CNTNAP5: variants seen among roughly 807,000 people sequenced by gnomAD.
CNTNAP5 encodes contactin-associated protein-like 5.
CNTNAP5 carries 72 observed loss-of-function variants against 150.2 expected under a neutral mutation model. The ratio of observed to expected loss-of-function variants is 0.48; its 90% CI spans 0.40 to 0.58. CNTNAP5 has a LOEUF of 0.58. Ranked by LOEUF, CNTNAP5 falls within the 20% of genes least tolerant of loss-of-function variation. CNTNAP5 has a pLI of 0.00. For missense variants in CNTNAP5, 1,636 were observed against 1,626.2 expected (o/e 1.01, Z -0.10); for synonymous variants, 672 against 619.8 (o/e 1.08, Z -1.25).
intron 5 of CNTNAP5, among the ~76,000 whole-genome samples, chr2:124,443,927 C>G (rs1213873605): frequency 6.6e-6 from 1 of 151,376 alleles, no homozygotes; most frequent in East Asian, 1.9e-4. Flanking sequence ...CAATGCCTTT[C>G]TTATTTTAAG....
chr2:124,770,251 A>G (rs1681161335), intron 16 of CNTNAP5, among the ~76,000 whole-genome samples: 1 of 152,140 alleles, frequency 6.6e-6, no homozygotes, highest in African/African-American at 2.4e-5. Context: ...TATACGATAA[A>G]TCAGATGTTC....
chr2:124,171,199 TC>T (rs1252777883), intron 1 of CNTNAP5, among the ~76,000 whole-genome samples: 1 of 152,212 alleles, frequency 6.6e-6, no homozygotes, highest in African/African-American at 2.4e-5. Context: ...CTGTTGGCTC[TC>T]CTGTCCTCTG....
intron 3 of CNTNAP5, among the ~76,000 whole-genome samples, chr2:124,309,174 A>G (rs780010): frequency 0.68 from 102,716 of 152,090 alleles, 35,010 homozygotes; most frequent in African/African-American, 0.78. Context: ...AAAGTTATGC[A>G]ATGTGTTCTC....
intron 3 of CNTNAP5, among the ~76,000 whole-genome samples, chr2:124,250,249 A>C (rs1278081161): frequency 6.6e-6 from 1 of 152,170 alleles, no homozygotes; most frequent in East Asian, 1.9e-4. Flanking sequence ...CAGTAGACCT[A>C]GGGTGGGACT....
chr2:124,370,884 A>G (rs1690507577), intron 3 of CNTNAP5, among the ~76,000 whole-genome samples: 1 of 152,206 alleles, frequency 6.6e-6, no homozygotes. Flanking sequence ...GAGTTGTCAG[A>G]ATGAAGACCT....
rs114776671 is a variant in CNTNAP5 at position 124,222,571 on chromosome 2, C to T, written c.187+762C>T. 3.8e-3 allele frequency among the ~76,000 whole-genome samples: 584 copies of T among 152,020 alleles called. 5 individuals carry two copies. Among genetic ancestry groups the T allele is most frequent in the African/African-American group, 0.013 (557 of 41,476 alleles). On this transcript the variant is annotated intron_variant, in intron 2 of 23. Coordinates refer to ENST00000682447, the MANE Select transcript of CNTNAP5 (RefSeq NM_001367498.1). ...TAAACTTTTCCTAGGTCAAGAAAAGCGTGTATGCAATTTAAAGAGAGCTAC... is the reference window on the plus strand; with the variant it reads ...TAAACTTTTCCTAGGTCAAGAAAAGTGTGTATGCAATTTAAAGAGAGCTAC...
chr2:124,330,626 T>C (rs1689326946), intron 3 of CNTNAP5, among the ~76,000 whole-genome samples: 1 of 152,206 alleles, frequency 6.6e-6, no homozygotes, highest in Non-Finnish European at 1.5e-5. Context: ...ACCATGATTG[T>C]AAGTTTCCTG....
At chr2:124,556,618 G>A (rs1001395141) in intron 10 of CNTNAP5, among the ~76,000 whole-genome samples, 1 of 152,136 alleles carries the variant, frequency 6.6e-6, no homozygotes, top group African/African-American at 2.4e-5. Flanking sequence ...TTATTCTGGT[G>A]AGAGATGCTT....
chr2:124,530,707 G>A (rs61349016), intron 10 of CNTNAP5, among the ~76,000 whole-genome samples: 3,300 of 152,228 alleles, frequency 0.022, 109 homozygotes, highest in African/African-American at 0.076. Flanking sequence ...ATGGGAGAAG[G>A]AAGCAGTAGG....
chr2:124,447,370 G>A (rs1042893433), intron 6 of CNTNAP5, among the ~76,000 whole-genome samples: 1 of 152,224 alleles, frequency 6.6e-6, no homozygotes, highest in Non-Finnish European at 1.5e-5. Context: ...TTCTTCCGAT[G>A]CAAGCTTTTG....
At chr2:124,302,743 A>G (rs1476876381) in intron 3 of CNTNAP5, among the ~76,000 whole-genome samples, 1 of 152,236 alleles carries the variant, frequency 6.6e-6, no homozygotes, top group Admixed American at 6.5e-5. Context: ...AGTGGTACCC[A>G]TTTTTGTCAT....
At chr2:124,562,647 T>C (rs1558955301) in intron 10 of CNTNAP5, among the ~76,000 whole-genome samples, 1 of 152,214 alleles carries the variant, frequency 6.6e-6, no homozygotes, top group Non-Finnish European at 1.5e-5. Context: ...TGACCTTAAG[T>C]AGTGAAGCCT....
intron 10 of CNTNAP5, among the ~76,000 whole-genome samples, chr2:124,550,420 T>C (rs1214173962): frequency 6.6e-6 from 1 of 152,142 alleles, no homozygotes; most frequent in Non-Finnish European, 1.5e-5. Context: ...TGAGAAGCAC[T>C]GAGTCAAGTA....
intron 11 of CNTNAP5, among the ~76,000 whole-genome samples, chr2:124,598,962 T>C (rs887270648): frequency 8.5e-5 from 13 of 152,172 alleles, no homozygotes; most frequent in African/African-American, 2.9e-4. Context: ...CCTGACCCCT[T>C]GCGCTTCCCA....
intron 13 of CNTNAP5, among the ~76,000 whole-genome samples, chr2:124,688,574 TAATTC>T (rs1679239297): frequency 6.6e-6 from 1 of 152,086 alleles, no homozygotes; most frequent in Non-Finnish European, 1.5e-5. Flanking sequence ...AAGCACATGA[TAATTC>T]AATTAATACA....
At chr2:124,664,778 C>T (rs1304086924) in intron 13 of CNTNAP5, among the ~76,000 whole-genome samples, 1 of 152,186 alleles carries the variant, frequency 6.6e-6, no homozygotes, top group Non-Finnish European at 1.5e-5. Context: ...CTTCTGCCTC[C>T]CAGGTTCAAG....
chr2:124,251,850 G>A lies in CNTNAP5; in HGVS notation c.381+9457G>A, dbSNP rs563874170. ...TGTATTTATGAAACAATAATTGAGA[G>A]CTAGAGTTCCACGAATGGACTGTAA... On this transcript the variant is annotated intron_variant, in intron 3 of 23. Transcript: ENST00000682447. Among the ~76,000 whole-genome samples the A allele has an allele frequency of 5.3e-5, 8 of 152,228 alleles. No individual in the cohort carries two copies. The South Asian group carries it at 1.7e-3, about 32-fold the overall frequency.
At chr2:124,799,543 A>T (rs925578524) in intron 19 of CNTNAP5, among the ~76,000 whole-genome samples, 2 of 152,236 alleles carry the variant, frequency 1.3e-5, no homozygotes, top group Non-Finnish European at 2.9e-5. Flanking sequence ...AAGCCATGCC[A>T]CTGAGTTTCT....
intron 1 of CNTNAP5, among the ~76,000 whole-genome samples, chr2:124,186,829 C>T (rs923445902): frequency 1.3e-5 from 2 of 152,188 alleles, no homozygotes; most frequent in Non-Finnish European, 2.9e-5. Context: ...TTGCCTTCCT[C>T]CCAAAGAGAT....
Sources: gnomAD v4.1 joint callset for allele counts (sites outside exome capture counted in the v4.1 genomes callset) on GRCh38, gnomAD v4.1.1 for gene constraint, MANE v1.5 for transcripts, NCBI Gene and HGNC (gene_info 2026-07-23, HGNC 2026-07-21) for gene names.